MYH14: variants seen among roughly 807,000 people sequenced by gnomAD.
MYH14 encodes myosin-14.
MYH14 carries 123 observed loss-of-function variants against 255.5 expected under a neutral mutation model. The observed-to-expected ratio is 0.48, with a 90% CI of 0.42 to 0.56. The LOEUF is 0.56. Ranked by LOEUF, MYH14 falls within the 20% of genes least tolerant of loss-of-function variation. The pLI, the probability that MYH14 is intolerant of heterozygous loss-of-function variation, is 0.00. For synonymous variants in MYH14, 1,095 were observed against 1,161.2 expected, an observed-to-expected ratio of 0.94 and a Z score of 1.16; for missense variants, 2,423 against 2,802.3, an observed-to-expected ratio of 0.86 and a Z score of 3.06.
At chr19:50,265,152 C>T (rs753306361) in intron 22 of MYH14, among the ~76,000 whole-genome samples, 6 of 152,186 alleles carry the variant, frequency 3.9e-5, no homozygotes, top group Non-Finnish European at 7.3e-5. Flanking sequence ...GCTGTTTTTG[C>T]AAAAGCCCTT....
At chr19:50,237,240 A>G (rs2033697257) in intron 10 of MYH14, among the ~76,000 whole-genome samples, 1 of 152,150 alleles carries the variant, frequency 6.6e-6, no homozygotes, top group South Asian at 2.1e-4. Context: ...ACCAGCTGGC[A>G]GCTGTCACCA....
chr19:50,243,465 C>T (rs1017471664), intron 10 of MYH14, among the ~76,000 whole-genome samples: 2 of 151,856 alleles, frequency 1.3e-5, no homozygotes, highest in African/African-American at 4.8e-5. Context: ...ACTTATTGAT[C>T]GGTTGGTGAA....
chr19:50,206,855 C>A (rs1204549270), intron 1 of MYH14, among the ~76,000 whole-genome samples: 1 of 151,770 alleles, frequency 6.6e-6, no homozygotes, highest in Non-Finnish European at 1.5e-5. Context: ...GTTGGGGAGA[C>A]AGAAATCTCC....
chr19:50,297,491 CTTTTTTTTTTTT>C (rs869049808), intron 39 of MYH14, among the ~76,000 whole-genome samples: 1 of 74,324 alleles, frequency 1.3e-5, no homozygotes, highest in Admixed American at 2.3e-4. Context: ...CTCATCTCCT[CTTTTTTTTTTTT>C]TTTTTTTTTT....
intron 15 of MYH14, among the ~76,000 whole-genome samples, chr19:50,251,329 A>C (rs1196382134): frequency 6.6e-6 from 1 of 152,142 alleles, no homozygotes; most frequent in Non-Finnish European, 1.5e-5. Context: ...CAGATAATAC[A>C]TAAGTATCTT....
In MYH14 at chr19:50,223,073, TC is replaced by T. The variant is rs768555933; in HGVS notation, c.563-6del. On this transcript the variant is annotated splice_polypyrimidine_tract_variant and intron_variant, in intron 3 of 42. Transcript: ENST00000642316. ...TCAGATGACATATTCCCCCACTCTG[TC>T]CCCTACAGATCGTGAGGACCAGTCC... is the stretch of plus-strand genomic sequence containing the variant. The T allele has an allele frequency of 1.9e-6, 3 of 1,613,092 alleles. No homozygotes were observed. In the Admixed American group the frequency reaches 5.0e-5, roughly 27 times the overall value.
rs1284346322 is a variant in MYH14, at chr19:50,268,257, A to C, written c.2923A>C (p.Lys975Gln). 1.9e-6 allele frequency: 3 copies of C among 1,572,328 alleles called. No homozygotes were observed. The highest frequency in any genetic ancestry group is 1.7e-6 in the Non-Finnish European group (2 of 1,159,050). The change falls in exon 24 of 43, where the codon AAG (lysine) becomes CAG (glutamine). Residue 975 changes from lysine to glutamine, a missense_variant. Transcript: ENST00000642316. ...EETRGRLAAR[K>Q]QELELVVSEL... is the part of the protein sequence containing the mutation. ...GACGCGGGGGAGGCTGGCAGCCCGC[A>C]AGCAGGAGCTGGAGCTGGTGGTGTC...
intron 39 of MYH14, among the ~76,000 whole-genome samples, chr19:50,299,267 A>G (rs751868956): frequency 2.2e-4 from 34 of 152,122 alleles, no homozygotes; most frequent in Non-Finnish European, 5.0e-4. Flanking sequence ...ACATTCTTCA[A>G]CAGATAAATT....
At chr19:50,302,763 G>A (rs1019946354) in intron 40 of MYH14, among the ~76,000 whole-genome samples, 6 of 151,906 alleles carry the variant, frequency 3.9e-5, no homozygotes, top group East Asian at 1.9e-4. Flanking sequence ...TTAGCCGGGC[G>A]TGGTGGCACG....
chr19:50,230,691 T>C lies in MYH14; in HGVS notation c.973+68T>C. 1 of 1,387,578 alleles carries C rather than the reference T, an allele frequency of 7.2e-7. No individual in the cohort carries two copies. The highest frequency in any genetic ancestry group is 9.9e-7 in the Non-Finnish European group (1 of 1,006,946). The allele number at this position is 1,387,578 out of a possible 1,614,324, so 86.0% of individuals were successfully genotyped here. A position where few individuals can be genotyped will look rare whatever the true frequency, so the allele number is the denominator to read the frequency against. On this transcript the variant is annotated intron_variant, in intron 9 of 42. Coordinates refer to ENST00000642316, the MANE Select transcript of MYH14 (RefSeq NM_001145809.2). This position sits in a 1 kb window ranked among gnomAD's most constrained non-coding sequence, Gnocchi z 4.7. ...GGGCACCATGTCTCTCGGGGGCCCC[T>C]TCTGGGGAGGAAGCAAGAGTGGGGG...
chr19:50,274,912 C>G (rs1417717862), intron 27 of MYH14, among the ~76,000 whole-genome samples: 1 of 145,468 alleles, frequency 6.9e-6, no homozygotes, highest in Non-Finnish European at 1.5e-5. Context: ...GTCTAGGTGA[C>G]AGAACGAGAC....
rs1477441497 is a variant in MYH14 at position 50,280,963 on chromosome 19, C to G, written c.4290+580C>G. ...TCCTGACCCGTCTTCTCTTTCTCCT[C>G]TGTCCCAACTCCAGTCACCTTGGGC... On this transcript the variant is annotated intron_variant, in intron 32 of 42. Coordinates refer to ENST00000642316, the MANE Select transcript of MYH14 (RefSeq NM_001145809.2). This position sits in a 1 kb window ranked among gnomAD's most constrained non-coding sequence, Gnocchi z 4.8. 6.6e-6 allele frequency among the ~76,000 whole-genome samples: 1 copy of G among 152,218 alleles called. No homozygotes were observed. Among genetic ancestry groups the G allele is most frequent in the Non-Finnish European group, 1.5e-5 (1 of 68,046 alleles).
intron 12 of MYH14, among the ~76,000 whole-genome samples, chr19:50,248,776 T>C (rs2034235924): frequency 6.6e-6 from 1 of 152,174 alleles, no homozygotes; most frequent in South Asian, 2.1e-4. Flanking sequence ...GGCTAACACA[T>C]CCGAGCCCGT....
rs62112645 is a variant in MYH14, at chr19:50,221,216, C to T, written c.563-1867C>T. Among the ~76,000 whole-genome samples the T allele has an allele frequency of 0.23, 35,561 of 151,956 alleles. 4,908 individuals are homozygous for T. The highest frequency in any genetic ancestry group is 0.39 in the South Asian group (1,872 of 4,816). On this transcript the variant is annotated intron_variant, in intron 3 of 42. Transcript: ENST00000642316. This position sits in a 1 kb window ranked among gnomAD's most constrained non-coding sequence, Gnocchi z 5.3. Reference sequence around the variant, plus strand: ...GAGCATTCTGAGTTCTGACTACAGCCCTGGGAGATGGCAGCTGTTTTGAGC... The same window carrying T: ...GAGCATTCTGAGTTCTGACTACAGCTCTGGGAGATGGCAGCTGTTTTGAGC...
At chr19:50,210,873 A>G (rs1279693529) in intron 2 of MYH14, 103 bp downstream of exon 2, 2 of 1,487,522 alleles carry the variant, frequency 1.3e-6, no homozygotes, top group Non-Finnish European at 1.8e-6. Context: ...GCTGTTTATC[A>G]TCTGTATCCC....
chr19:50,290,788 C>G (rs2036044937), intron 35 of MYH14, 99 bp from the exon 36 acceptor site: 6 of 1,301,782 alleles, frequency 4.6e-6, no homozygotes, highest in Non-Finnish European at 2.1e-6. Context: ...GGGCTTGCAG[C>G]CTGGGCAGGA....
intron 1 of MYH14, among the ~76,000 whole-genome samples, chr19:50,205,042 CTCT>C (rs1401982562): frequency 6.6e-6 from 1 of 152,026 alleles, no homozygotes; most frequent in African/African-American, 2.4e-5. Flanking sequence ...TACCATTGTC[CTCT>C]TCTTTGGTAC....
intron 15 of MYH14, among the ~76,000 whole-genome samples, chr19:50,251,811 C>T (rs1174437656): frequency 6.6e-6 from 1 of 152,150 alleles, no homozygotes; most frequent in Non-Finnish European, 1.5e-5. Context: ...CTCCTGACCT[C>T]AGTTGATCCA....
rs747475183 is a variant in MYH14 at position 50,301,735 on chromosome 19, G to A, written c.5544G>A (p.Leu1848=). 1.1e-5 allele frequency: 17 copies of A among 1,613,860 alleles called. No individual in the cohort carries two copies. The South Asian group carries it at 1.6e-4, about 16-fold the overall frequency. Residue 1848 remains leucine, a synonymous_variant, in exon 40 of 43, where the codon CTG becomes CTA. Coordinates refer to ENST00000642316, the MANE Select transcript of MYH14 (RefSeq NM_001145809.2). ...AGGCAGAGAGCGGGCGGCAGCAGCT[G>A]GAACGGCAGATCCAGGAGCTACGGG... The part of the protein sequence containing the change: ...SAKAESGRQQ[L]ERQIQELRGR...
Sources: allele counts gnomAD v4.1 joint callset (sites outside exome capture counted in the v4.1 genomes callset), GRCh38; gene constraint gnomAD v4.1.1; non-coding constraint Gnocchi (gnomAD v3.1); transcripts MANE v1.5; gene names NCBI Gene and HGNC (gene_info 2026-07-23, HGNC 2026-07-21).